Variants in TBC1D5 observed in about 807,000 individuals in gnomAD.
TBC1D5 encodes the protein TBC1 domain family member 5.
Under a neutral mutation model 100.3 loss-of-function variants are expected in TBC1D5, and 75 were observed. The observed-to-expected ratio is 0.75, with a 90% CI of 0.62 to 0.91. The LOEUF (loss-of-function observed/expected upper bound fraction) is 0.91, where lower values mean the gene tolerates loss of function less well. TBC1D5 is among the 40% of genes least tolerant of loss of function. The pLI is 0.00. For missense variants in TBC1D5, 910 were observed against 942.4 expected (o/e 0.97, Z 0.45); for synonymous variants, 323 against 325.6 (o/e 0.99, Z 0.09).
intron 18 of TBC1D5, among the ~76,000 whole-genome samples, chr3:17,200,869 T>C (rs2071382048): frequency 6.6e-6 from 1 of 152,192 alleles, no homozygotes; most frequent in African/African-American, 2.4e-5. Flanking sequence ...CCAAGTACAA[T>C]AGTTTAGTCA....
chr3:17,635,880 AG>A (rs1397427475), intron 1 of TBC1D5, among the ~76,000 whole-genome samples: 1 of 152,170 alleles, frequency 6.6e-6, no homozygotes, highest in Non-Finnish European at 1.5e-5. Flanking sequence ...AAAAGCTGGG[AG>A]GGCAAGTGAC....
At chr3:17,551,234 C>T (rs116667887) in intron 2 of TBC1D5, among the ~76,000 whole-genome samples, 1,644 of 152,114 alleles carry the variant, frequency 0.011, 27 homozygotes, top group African/African-American at 0.037. Flanking sequence ...TAAGTAAAGA[C>T]GACCATCTGC....
chr3:17,451,137 G>T (rs926416646), intron 3 of TBC1D5, among the ~76,000 whole-genome samples: 1 of 152,148 alleles, frequency 6.6e-6, no homozygotes, highest in Non-Finnish European at 1.5e-5. Context: ...ACTAAGCTTT[G>T]TAAGTGGAGG....
intron 21 of TBC1D5, 43 bp downstream of exon 22, chr3:17,166,724 C>A (rs1276571142): frequency 1.3e-6 from 2 of 1,569,260 alleles, no homozygotes; most frequent in South Asian, 2.4e-5. Flanking sequence ...TGTGAATGTG[C>A]TCCCTTTGAG....
chr3:17,451,859 G>A (rs1321849389), intron 3 of TBC1D5, among the ~76,000 whole-genome samples: 1 of 152,080 alleles, frequency 6.6e-6, no homozygotes, highest in Non-Finnish European at 1.5e-5. Context: ...GGTGGAGGTT[G>A]CAGTGAGCTC....
chr3:17,587,412 A>G (rs1345239079), intron 2 of TBC1D5, among the ~76,000 whole-genome samples: 3 of 152,042 alleles, frequency 2.0e-5, no homozygotes, highest in Admixed American at 6.6e-5. Context: ...AACATAATCA[A>G]TAACATGAAA....
chr3:17,553,012 C>T (rs889511321), intron 2 of TBC1D5, among the ~76,000 whole-genome samples: 1 of 152,088 alleles, frequency 6.6e-6, no homozygotes, highest in Non-Finnish European at 1.5e-5. Flanking sequence ...AGAAAATATA[C>T]TGTTATTATA....
At chr3:17,634,763 C>T (rs2153683434) in intron 1 of TBC1D5, among the ~76,000 whole-genome samples, 1 of 151,942 alleles carries the variant, frequency 6.6e-6, no homozygotes, top group Admixed American at 6.6e-5. Flanking sequence ...TGATAAATAT[C>T]TGAGGGGATG....
intron 1 of TBC1D5, among the ~76,000 whole-genome samples, chr3:17,715,462 T>A (rs980881573): frequency 6.6e-5 from 10 of 152,230 alleles, no homozygotes; most frequent in African/African-American, 2.4e-4. Context: ...CATTTTTGTC[T>A]TAGAGTTACT....
chr3:17,329,783 A>G (rs1191212546), intron 13 of TBC1D5, among the ~76,000 whole-genome samples: 1 of 152,006 alleles, frequency 6.6e-6, no homozygotes, highest in Non-Finnish European at 1.5e-5. Flanking sequence ...GATGCCATCT[A>G]AGATCTAACA....
At chr3:17,618,264 T>C (rs1197972990) in intron 2 of TBC1D5, among the ~76,000 whole-genome samples, 22 of 152,212 alleles carry the variant, frequency 1.4e-4, no homozygotes, top group Admixed American at 1.4e-3. Flanking sequence ...TGATCCTTCC[T>C]CTGGAAGCTT....
At chr3:17,739,971 C>T (rs1383109304) in exon 1 of TBC1D5, 1 of 151,860 alleles carries the variant, frequency 6.6e-6, no homozygotes, top group African/African-American at 2.4e-5. Context: ...CACCATTATA[C>T]TCCAGCCTGG....
intron 18 of TBC1D5, among the ~76,000 whole-genome samples, chr3:17,208,111 T>C (rs2733518): frequency 0.45 from 67,948 of 152,134 alleles, 16,113 homozygotes; most frequent in African/African-American, 0.54. Context: ...GCAAATTGGA[T>C]CCATGTATGG....
chr3:17,706,166 G>T, intron 1 of TBC1D5: 1 of 1,575,418 alleles, frequency 6.3e-7, no homozygotes, highest in Admixed American at 1.8e-5. Context: ...GGGAGACATC[G>T]GCAGGCAGCC....
intron 3 of TBC1D5, among the ~76,000 whole-genome samples, chr3:17,473,097 T>C (rs1010989630): frequency 1.3e-5 from 2 of 152,196 alleles, no homozygotes; most frequent in African/African-American, 4.8e-5. Context: ...AACTAACACA[T>C]TGGTTTTCAT....
chr3:17,705,962 G>C (rs1318809901), intron 1 of TBC1D5: 1 of 1,370,928 alleles, frequency 7.3e-7, no homozygotes, highest in South Asian at 1.5e-5. Flanking sequence ...CCCGGGCGGC[G>C]CTCCTCAGCA....
intron 2 of TBC1D5, among the ~76,000 whole-genome samples, chr3:17,563,908 G>A (rs1038709010): frequency 1.7e-4 from 26 of 152,002 alleles, no homozygotes; most frequent in Admixed American, 7.9e-4. Flanking sequence ...TCAGCCTCCC[G>A]AGTAGCTGGG....
At chr3:17,399,460 T>C (rs758693948) in intron 8 of TBC1D5, among the ~76,000 whole-genome samples, 2 of 152,096 alleles carry the variant, frequency 1.3e-5, no homozygotes, top group African/African-American at 4.8e-5. Context: ...TTTTGAAACA[T>C]AAAATACATA....
At chr3:17,274,012 T>TAA (rs34350746) in intron 15 of TBC1D5, among the ~76,000 whole-genome samples, 9,486 of 139,482 alleles carry the variant, frequency 0.068, 476 homozygotes, top group East Asian at 0.28. Context: ...TGTATTTAAT[T>TAA]AAAAAAAAAA....
Sources: allele counts gnomAD v4.1 joint callset (sites outside exome capture counted in the v4.1 genomes callset), GRCh38; gene constraint gnomAD v4.1.1; transcripts MANE v1.5; gene names NCBI Gene and HGNC (gene_info 2026-07-23, HGNC 2026-07-21).